Variants in JPH3 observed in about 807,000 individuals in gnomAD.
JPH3 encodes junctophilin-3.
JPH3 carries 11 observed loss-of-function variants against 59.6 expected under a neutral mutation model. The ratio of observed to expected loss-of-function variants is 0.18; its 90% CI spans 0.12 to 0.31. The LOEUF (loss-of-function observed/expected upper bound fraction) is 0.31, where lower values mean the gene tolerates loss of function less well. Ranked by LOEUF, JPH3 falls within the 10% of genes least tolerant of loss-of-function variation. The pLI is 1.00. For synonymous variants in JPH3, 673 were observed against 483.6 expected, an observed-to-expected ratio of 1.39 and a Z score of -5.14; for missense variants, 1,202 against 1,105.7, an observed-to-expected ratio of 1.09 and a Z score of -1.24.
At chr16:87,629,906 C>T (rs757815549) in intron 1 of JPH3, among the ~76,000 whole-genome samples, 64 of 151,888 alleles carry the variant, frequency 4.2e-4, no homozygotes, top group African/African-American at 1.1e-3. Context: ...AAGTGGGGGG[C>T]GAGGGGATAC....
intron 2 of JPH3, among the ~76,000 whole-genome samples, chr16:87,647,338 A>G (rs62053787): frequency 1 from 151,407 of 151,850 alleles, 75,483 homozygotes; most frequent in Middle Eastern, 1. Context: ...CATGGCCAGC[A>G]TCCCTGTGTC....
At chr16:87,632,483 G>A (rs555237735) in intron 1 of JPH3, among the ~76,000 whole-genome samples, 1 of 152,264 alleles carries the variant, frequency 6.6e-6, no homozygotes, top group Non-Finnish European at 1.5e-5. Flanking sequence ...GTCTTGCTCT[G>A]CCACCCAGGC....
chr16:87,643,031 C>A (rs866695645), intron 1 of JPH3, among the ~76,000 whole-genome samples: 5 of 152,148 alleles, frequency 3.3e-5, no homozygotes, highest in Non-Finnish European at 2.9e-5. Flanking sequence ...AAAACTCTGT[C>A]CCTATTCAAC....
chr16:87,673,558 T>A (rs1285771473), intron 2 of JPH3, among the ~76,000 whole-genome samples: 1 of 152,190 alleles, frequency 6.6e-6, no homozygotes, highest in Non-Finnish European at 1.5e-5. Flanking sequence ...AGACTGTGAA[T>A]TCTAATAGGA....
Position 87,689,673 on chromosome 16 carries a change from A to AATC in JPH3, c.1313_1314insATC (p.Gln438_Thr439insSer). ...CTGGAGTACCAGAGGCCGAAGCGTC[A>AATC]GACCTCCTGTGACGACATCGAGGTG... is the stretch of plus-strand genomic sequence containing the variant. On this transcript the variant is annotated inframe_insertion, in exon 4 of 5. Coordinates refer to ENST00000284262, the MANE Select transcript of JPH3 (RefSeq NM_020655.4). The AATC allele has an allele frequency of 6.2e-7, 1 of 1,612,204 alleles. No homozygotes were observed. Among genetic ancestry groups the AATC allele is most frequent in the South Asian group, 1.1e-5 (1 of 90,946 alleles).
chr16:87,615,287 T>A (rs916364928), intron 1 of JPH3, among the ~76,000 whole-genome samples: 1 of 152,284 alleles, frequency 6.6e-6, no homozygotes, highest in Admixed American at 6.5e-5. Flanking sequence ...ATAGACCTGG[T>A]GGAGGCCTGG....
At chr16:87,656,462 C>G (rs779740910) in intron 2 of JPH3, among the ~76,000 whole-genome samples, 16 of 152,194 alleles carry the variant, frequency 1.1e-4, no homozygotes, top group African/African-American at 2.4e-5. Flanking sequence ...ACGTTCTGCC[C>G]CGGTATGTCT....
In JPH3 at chr16:87,629,005, G is replaced by T. The variant is rs540937620; in HGVS notation, c.383-15253G>T. 7.9e-5 allele frequency among the ~76,000 whole-genome samples: 12 copies of T among 152,254 alleles called. No individual in the cohort carries two copies. In the South Asian group the frequency reaches 2.5e-3, roughly 32 times the overall value. On this transcript the variant is annotated intron_variant, in intron 1 of 4. Transcript: ENST00000284262. Reference sequence around the variant, plus strand: ...GGCTTCCTCAATGTCAGGGATGGGGGTGAACAGAAGGGCTGGGTCCGGAGT... The same window carrying T: ...GGCTTCCTCAATGTCAGGGATGGGGTTGAACAGAAGGGCTGGGTCCGGAGT...
At chr16:87,696,372 A>G in intron 4 of JPH3, 1 of 594,600 alleles carries the variant, frequency 1.7e-6, no homozygotes, top group Non-Finnish European at 3.0e-6. Flanking sequence ...TCAGACGTAC[A>G]GGCAGCTGGG....
chr16:87,647,757 C>T (rs1372845465), intron 2 of JPH3, among the ~76,000 whole-genome samples: 1 of 152,238 alleles, frequency 6.6e-6, no homozygotes, highest in South Asian at 2.1e-4. Context: ...CCATGCGCAC[C>T]TGTGGAGCCA....
intron 2 of JPH3, among the ~76,000 whole-genome samples, chr16:87,663,626 T>C (rs554857204): frequency 6.6e-6 from 1 of 152,234 alleles, no homozygotes; most frequent in East Asian, 1.9e-4. Flanking sequence ...TAGGAACACA[T>C]AGGATGCATA....
intron 1 of JPH3, chr16:87,604,867 C>A: frequency 2.5e-6 from 1 of 395,902 alleles, no homozygotes; most frequent in Non-Finnish European, 5.0e-6. Flanking sequence ...CTCAGGCGGC[C>A]TTTTCTGTGC....
chr16:87,613,566 C>G (rs1027097216), intron 1 of JPH3, among the ~76,000 whole-genome samples: 1 of 152,158 alleles, frequency 6.6e-6, no homozygotes, highest in African/African-American at 2.4e-5. Flanking sequence ...AGTGATCCGC[C>G]CACCTCAGCC....
chr16:87,693,752 G>A (rs1321380635), intron 4 of JPH3: 1 of 152,512 alleles, frequency 6.6e-6, no homozygotes, highest in African/African-American at 2.4e-5. Context: ...TCGGGCCTGG[G>A]AGCTGATGCC....
chr16:87,694,877 T>G (rs1186508266), intron 4 of JPH3: 1 of 212,362 alleles, frequency 4.7e-6, no homozygotes, highest in Admixed American at 5.3e-5. Context: ...TCACGCAGCA[T>G]GCACTGCTCC....
intron 2 of JPH3, among the ~76,000 whole-genome samples, chr16:87,678,987 T>TA (rs566858035): frequency 5.4e-4 from 82 of 152,332 alleles, no homozygotes; most frequent in African/African-American, 1.9e-3. Context: ...GAGTGAGTGT[T>TA]AAGTCCACCT....
intron 2 of JPH3, among the ~76,000 whole-genome samples, chr16:87,655,289 G>A (rs1045526860): frequency 1.3e-5 from 2 of 152,238 alleles, no homozygotes. Context: ...CAGGGAAAAT[G>A]GCTTCACTTT....
intron 2 of JPH3, among the ~76,000 whole-genome samples, chr16:87,676,043 C>T (rs541348773): frequency 3.3e-5 from 5 of 152,354 alleles, no homozygotes; most frequent in Admixed American, 3.3e-4. Flanking sequence ...CTGTCGCAGG[C>T]GACGAAAGTG....
rs544139851 is a variant in JPH3 at position 87,651,885 on chromosome 16, G to A, written c.1160+6850G>A. ...CCAGTTTCCAATGAAGCTCTACCGT[G>A]AGTCAAATGCTATCAAATAGCATCA... On this transcript the variant is annotated intron_variant, in intron 2 of 4. Coordinates refer to ENST00000284262, the MANE Select transcript of JPH3 (RefSeq NM_020655.4). Among the ~76,000 whole-genome samples, 4 of 152,368 alleles carry A rather than the reference G, an allele frequency of 2.6e-5. No individual in the cohort carries two copies. The South Asian group carries it at 8.3e-4, about 32-fold the overall frequency.
Sources: gnomAD v4.1 joint callset for allele counts (sites outside exome capture counted in the v4.1 genomes callset) on GRCh38, gnomAD v4.1.1 for gene constraint, MANE v1.5 for transcripts, NCBI Gene and HGNC (gene_info 2026-07-23, HGNC 2026-07-21) for gene names.